Variants in MAGI2 observed in about 807,000 individuals in gnomAD.
MAGI2 encodes the protein membrane-associated guanylate kinase, WW and PDZ domain-containing protein 2.
In MAGI2, 35 loss-of-function variants were observed where a neutral mutation model predicts 133.3. The observed-to-expected ratio is 0.26, with a 90% CI of 0.20 to 0.35. The LOEUF is 0.35. MAGI2 is among the 10% of genes least tolerant of loss of function. The pLI is 1.00. For synonymous variants in MAGI2, 729 were observed against 710.6 expected (o/e 1.03, Z -0.41); for missense variants, 1,636 against 1,863.4 (o/e 0.88, Z 2.25).
chr7:78,702,067 C>T (rs1263695880), intron 2 of MAGI2, among the ~76,000 whole-genome samples: 1 of 151,978 alleles, frequency 6.6e-6, no homozygotes, highest in Non-Finnish European at 1.5e-5. Flanking sequence ...GATCTGAACA[C>T]AAATGGTACA....
chr7:78,704,072 T>G (rs1818354761), intron 2 of MAGI2, among the ~76,000 whole-genome samples: 1 of 151,960 alleles, frequency 6.6e-6, no homozygotes, highest in Non-Finnish European at 1.5e-5. Context: ...AATTGACAAA[T>G]AGGACCTAAT....
intron 2 of MAGI2, among the ~76,000 whole-genome samples, chr7:78,886,298 C>T (rs557974822): frequency 6.6e-6 from 1 of 152,262 alleles, no homozygotes; most frequent in South Asian, 2.1e-4. Flanking sequence ...CATAAATAGA[C>T]TTTGTATTCA....
intron 16 of MAGI2, among the ~76,000 whole-genome samples, chr7:78,149,348 C>T (rs1823634837): frequency 6.6e-6 from 1 of 152,162 alleles, no homozygotes; most frequent in African/African-American, 2.4e-5. Flanking sequence ...AGTTTGCCTT[C>T]ATTGCTCAAG....
intron 1 of MAGI2, among the ~76,000 whole-genome samples, chr7:79,337,783 T>C (rs1840548106): frequency 1.3e-5 from 2 of 152,122 alleles, no homozygotes; most frequent in South Asian, 4.1e-4. Flanking sequence ...TGTTCTAATC[T>C]CTGACTAAAA....
chr7:79,219,425 T>C (rs879757893), intron 1 of MAGI2, among the ~76,000 whole-genome samples: 2 of 152,054 alleles, frequency 1.3e-5, no homozygotes, highest in Non-Finnish European at 2.9e-5. Context: ...ATGTTATATG[T>C]ATTTGGCATT....
chr7:78,299,619 TA>T (rs1328357674), intron 9 of MAGI2, among the ~76,000 whole-genome samples: 4 of 152,114 alleles, frequency 2.6e-5, no homozygotes, highest in African/African-American at 9.7e-5. Context: ...CTTTTAAGTT[TA>T]GGGGTACATG....
chr7:78,473,334 T>A (rs1216650681), intron 6 of MAGI2, among the ~76,000 whole-genome samples: 1 of 152,090 alleles, frequency 6.6e-6, no homozygotes, highest in African/African-American at 2.4e-5. Context: ...ATCTACAGAT[T>A]TTTTTGATGG....
intron 1 of MAGI2, among the ~76,000 whole-genome samples, chr7:79,343,545 CTTTAAAAAAAAAAAAGGCA>C (rs1841068028): frequency 2.8e-5 from 1 of 36,128 alleles, no homozygotes; most frequent in Non-Finnish European, 5.9e-5. Context: ...GATGTATTTT[CTTTAAAAAAAAAAAAGGCA>C]TTGGCCCCAA....
At chr7:79,077,596 T>TAAAAAAA (rs1386891932) in intron 1 of MAGI2, among the ~76,000 whole-genome samples, 1 of 40,126 alleles carries the variant, frequency 2.5e-5, no homozygotes, top group Non-Finnish European at 5.7e-5. Context: ...AAAAAAAAAA[T>TAAAAAAA]AAATAAATAA....
chr7:78,883,998 G>A (rs1172256928), intron 2 of MAGI2, among the ~76,000 whole-genome samples: 4 of 152,088 alleles, frequency 2.6e-5, no homozygotes, highest in Non-Finnish European at 5.9e-5. Context: ...AACAAAAATT[G>A]ACAAGTGCGA....
At chr7:78,186,743 ATATC>A (rs1827734402) in intron 12 of MAGI2, among the ~76,000 whole-genome samples, 2 of 152,304 alleles carry the variant, frequency 1.3e-5, no homozygotes, top group Non-Finnish European at 2.9e-5. Context: ...CATACTTATT[ATATC>A]TAAGTTTTAA....
At chr7:78,201,058 C>A in intron 11 of MAGI2, 104 bp downstream of exon 11, 1 of 719,612 alleles carries the variant, frequency 1.4e-6, no homozygotes, top group East Asian at 3.0e-5. Flanking sequence ...ATCACAGACT[C>A]CTAGAGTTGA....
chr7:78,907,888 T>C (rs1020797054), intron 2 of MAGI2, among the ~76,000 whole-genome samples: 2 of 152,122 alleles, frequency 1.3e-5, no homozygotes, highest in African/African-American at 4.8e-5. Flanking sequence ...AACTAAAATA[T>C]ATTTAACTAT....
chr7:78,924,985 G>A (rs1799581428), intron 2 of MAGI2, among the ~76,000 whole-genome samples: 1 of 151,934 alleles, frequency 6.6e-6, no homozygotes, highest in Non-Finnish European at 1.5e-5. Flanking sequence ...GTTAGATAGG[G>A]AAAGGTGCTT....
chr7:79,056,345 G>T (rs1813146684), intron 1 of MAGI2, among the ~76,000 whole-genome samples: 1 of 152,116 alleles, frequency 6.6e-6, no homozygotes, highest in Non-Finnish European at 1.5e-5. Context: ...CAGCCTGGTA[G>T]ATTTTTTTCT....
intron 6 of MAGI2, among the ~76,000 whole-genome samples, chr7:78,474,902 C>T (rs1172206501): frequency 6.6e-6 from 1 of 151,606 alleles, no homozygotes; most frequent in African/African-American, 2.4e-5. Flanking sequence ...AATGTTTTTG[C>T]TAAAAACTCA....
At chr7:79,447,874 T>A (rs1013576429) in intron 1 of MAGI2, among the ~76,000 whole-genome samples, 1 of 151,964 alleles carries the variant, frequency 6.6e-6, no homozygotes, top group Non-Finnish European at 1.5e-5. Context: ...CATTGTTGAC[T>A]GTGAACACTT....
chr7:79,244,756 C>A (rs1398675589), intron 1 of MAGI2, among the ~76,000 whole-genome samples: 1 of 152,150 alleles, frequency 6.6e-6, no homozygotes, highest in Non-Finnish European at 1.5e-5. Context: ...GACATGTGAC[C>A]TAGGAAAACA....
At chr7:79,404,850 A>T (rs1845699202) in intron 1 of MAGI2, among the ~76,000 whole-genome samples, 1 of 152,074 alleles carries the variant, frequency 6.6e-6, no homozygotes, top group African/African-American at 2.4e-5. Context: ...CCTTAGGTCC[A>T]CCTTCCTAAG....
Sources: gnomAD v4.1 joint callset for allele counts (sites outside exome capture counted in the v4.1 genomes callset) on GRCh38, gnomAD v4.1.1 for gene constraint, MANE v1.5 for transcripts, NCBI Gene and HGNC (gene_info 2026-07-23, HGNC 2026-07-21) for gene names.